Variants in OBSL1 observed in about 807,000 individuals in gnomAD.
The protein encoded by OBSL1 is obscurin like cytoskeletal adaptor 1.
OBSL1 carries 160 observed loss-of-function variants against 172.0 expected under a neutral mutation model. The observed-to-expected ratio is 0.93, with a 90% CI of 0.82 to 1.06. The LOEUF (loss-of-function observed/expected upper bound fraction) is 1.06, where lower values mean the gene tolerates loss of function less well. Ranked by LOEUF, OBSL1 falls within the 50% of genes least tolerant of loss-of-function variation. The pLI, the probability that OBSL1 is intolerant of heterozygous loss-of-function variation, is 0.00. For missense variants in OBSL1, 2,681 were observed against 2,715.4 expected (o/e 0.99, Z 0.28); for synonymous variants, 1,200 against 1,196.3 (o/e 1.00, Z -0.06).
intron 17 of OBSL1, 76 bp downstream of exon 17, chr2:219,552,792 T>G (rs1003078917): frequency 1.3e-6 from 2 of 1,519,992 alleles, no homozygotes; most frequent in Non-Finnish European, 1.8e-6. Flanking sequence ...CGCGCGGTCA[T>G]CAGGGTCCGG....
At chr2:219,547,562 G>A (rs775387684), downstream of OBSL1, 2 of 1,465,666 alleles carry the variant, frequency 1.4e-6, no homozygotes, top group Non-Finnish European at 1.8e-6. Flanking sequence ...TGGCTCGGTG[G>A]TCATCTTCCT....
chr2:219,549,501 C>T, downstream of OBSL1: 1 of 1,252,148 alleles, frequency 8.0e-7, no homozygotes, highest in African/African-American at 1.5e-5. Flanking sequence ...AGCCCATGCA[C>T]CAGGGGCTTG....
rs1455822484 is a variant in OBSL1 at position 219,562,580 on chromosome 2, G to C, written c.2775C>G (p.Pro925=). 6.2e-7 allele frequency: 1 copy of C among 1,612,806 alleles called. No individual in the cohort carries two copies. The highest frequency in any genetic ancestry group is 1.1e-5 in the South Asian group (1 of 90,918). The change falls in exon 8 of 21, where the codon CCC becomes CCG. Residue 925 remains proline (P), a synonymous_variant. Coordinates refer to ENST00000404537, the MANE Select transcript of OBSL1 (RefSeq NM_015311.3). ...RVVLTCELCR[P]WAEVRWTKDG... is the part of the protein sequence containing the mutation. Reference sequence around the variant, plus strand: ...CCTTGGTCCAGCGCACCTCTGCCCAGGGCCGGCATAGCTCACAGGTCAGCA... The same window carrying C: ...CCTTGGTCCAGCGCACCTCTGCCCACGGCCGGCATAGCTCACAGGTCAGCA...
intron 9 of OBSL1, 77 bp downstream of exon 9, chr2:219,559,148 G>A: frequency 7.4e-7 from 1 of 1,347,428 alleles, no homozygotes. Flanking sequence ...TGGGGTGGGG[G>A]AGGTGGGGCT....
chr2:219,554,420 G>C (rs1695850624), intron 15 of OBSL1, 54 bp downstream of exon 15: 5 of 1,591,842 alleles, frequency 3.1e-6, no homozygotes, highest in Admixed American at 1.7e-5. Flanking sequence ...TTCATGCCTG[G>C]GGTAAGTAGG....
At position 219,567,079 on chromosome 2, in the gene OBSL1, C is replaced by T. The variant is rs201333768; in HGVS notation, c.1885G>A (p.Asp629Asn). 6.7e-5 allele frequency: 108 copies of T among 1,613,270 alleles called. No individual in the cohort carries two copies. The highest frequency in any genetic ancestry group is 6.2e-4 in the East Asian group (28 of 44,874). ...AGGGAGAAGACGGCATCTTCCCCGT[C>T]GTATACCTGCACATCCTCCAGACCT... ...VAGLEDVQVY[D>N]GEDAVFSLDL... Residue 629 changes from aspartate (D) to asparagine (N), a missense_variant, in exon 5 of 21, where the codon GAC (aspartate) becomes AAC (asparagine). Physicochemically the swap from Asp to Asn is conservative, Grantham distance 23 (BLOSUM62 1). Coordinates refer to ENST00000404537, the MANE Select transcript of OBSL1 (RefSeq NM_015311.3).
intron 16 of OBSL1, among the ~76,000 whole-genome samples, chr2:219,553,284 G>T (rs1475796486): frequency 6.6e-6 from 1 of 152,198 alleles, no homozygotes; most frequent in African/African-American, 2.4e-5. Context: ...CGATCACAGG[G>T]GACATGGGCA....
chr2:219,552,267 T>C, intron 18 of OBSL1, 51 bp from the exon 19 acceptor site: 1 of 1,512,682 alleles, frequency 6.6e-7, no homozygotes, highest in African/African-American at 1.4e-5. Flanking sequence ...TGAGGAGCGT[T>C]GGGGACGAAG....
intron 17 of OBSL1, 31 bp from the exon 18 acceptor site, chr2:219,552,728 G>T: frequency 6.6e-7 from 1 of 1,514,416 alleles, no homozygotes. Flanking sequence ...TGAGCGGGGC[G>T]GGGCAGAGGG....
At chr2:219,558,501 C>A in intron 9 of OBSL1, 42 bp from the exon 10 acceptor site, 2 of 1,502,406 alleles carry the variant, frequency 1.3e-6, no homozygotes. Context: ...GCTTGGCCAG[C>A]AGGCCTCTCC....
chr2:219,549,266 G>A (rs1293336956), downstream of OBSL1: 13 of 1,613,824 alleles, frequency 8.1e-6, no homozygotes, highest in East Asian at 4.5e-5. Flanking sequence ...AGAGGTCCCC[G>A]GGCTCCTCCC....
At chr2:219,558,495 G>C in intron 9 of OBSL1, 36 bp from the exon 10 acceptor site, 1 of 1,510,356 alleles carries the variant, frequency 6.6e-7, no homozygotes, top group Non-Finnish European at 8.9e-7. Context: ...ACATAGGCTT[G>C]GCCAGCAGGC....
Position 219,553,721 on chromosome 2 carries a change from G to T in OBSL1, c.4877-35C>A, listed in dbSNP as rs1246331263. 5.4e-6 allele frequency: 8 copies of T among 1,484,990 alleles called. No individual in the cohort carries two copies. The South Asian group carries it at 5.7e-5, about 11-fold the overall frequency. 92.0% of individuals were successfully genotyped at this position (1,484,990 alleles called of 1,614,324 possible). On this transcript the variant is annotated intron_variant, in intron 15 of 20. Coordinates refer to ENST00000404537, the MANE Select transcript of OBSL1 (RefSeq NM_015311.3). ...GGAGAGGGAGGACAGTGCAGAGGGA[G>T]CAGGATGGGGACCCATCTTGCAGGG...
downstream of OBSL1, chr2:219,549,154 G>A: frequency 6.2e-7 from 1 of 1,613,838 alleles, no homozygotes. Context: ...CACCACAGTG[G>A]TCATCAGCCG....
intron 8 of OBSL1, chr2:219,561,831 A>G (rs548372807): frequency 5.6e-6 from 4 of 715,016 alleles, no homozygotes; most frequent in South Asian, 4.4e-5. Flanking sequence ...GCAAAAAGCA[A>G]TGGCAGGGAG....
Position 219,571,255 on chromosome 2 carries a change from C to A in OBSL1, c.-23G>T. The A allele has an allele frequency of 9.0e-7, 1 of 1,110,470 alleles. No individual in the cohort carries two copies. Among genetic ancestry groups the A allele is most frequent in the Non-Finnish European group, 1.1e-6 (1 of 880,196 alleles). The allele number at this position is 1,110,470 out of a possible 1,614,324, so 68.8% of individuals were successfully genotyped here. On this transcript the variant is annotated 5_prime_UTR_variant, in exon 1 of 21. Transcript: ENST00000404537. ...CATCGCGGCGGCCGACCGCCTGCAGCGGCGAACGGTGGGGGGGCAGGGGGG... is the reference window on the plus strand; with the variant it reads ...CATCGCGGCGGCCGACCGCCTGCAGAGGCGAACGGTGGGGGGGCAGGGGGG...
At chr2:219,563,324 C>T (rs369253278) in intron 7 of OBSL1, 31 bp downstream of exon 7, 4 of 1,531,170 alleles carry the variant, frequency 2.6e-6, no homozygotes, top group Non-Finnish European at 3.5e-6. Flanking sequence ...GCACCTTCCC[C>T]TGTGCCTCCG....
At chr2:219,556,895 C>T (rs2106029378) in intron 12 of OBSL1, 172 bp from the exon 13 acceptor site, 1 of 694,998 alleles carries the variant, frequency 1.4e-6, no homozygotes, top group East Asian at 2.8e-5. Flanking sequence ...AGCTCCCTGC[C>T]ACTCCTTTTA....
Position 219,556,210 on chromosome 2 carries a change from G to T in OBSL1, c.4419C>A (p.Gly1473=), listed in dbSNP as rs752057894. 61 of 1,610,772 alleles carry T rather than the reference G, an allele frequency of 3.8e-5. 1 individual carries two copies. Among genetic ancestry groups the T allele is most frequent in the Non-Finnish European group, 4.8e-5 (57 of 1,178,294 alleles). ...GCACGGCCCCCGCTGCACCCACTCG[G>T]CCTGTCTCCACTTCGAGACACACAT... The part of the protein sequence containing the change: ...GQDVCLEVET[G]RVGAAGAVRW... The change falls in exon 14 of 21, where the codon GGC becomes GGA. Residue 1473 remains glycine, a synonymous_variant. Transcript: ENST00000404537.
Sources: allele counts gnomAD v4.1 joint callset (sites outside exome capture counted in the v4.1 genomes callset), GRCh38; gene constraint gnomAD v4.1.1; transcripts MANE v1.5; gene names NCBI Gene and HGNC (gene_info 2026-07-23, HGNC 2026-07-21).